PHF21B: variants seen among roughly 807,000 people sequenced by gnomAD.
The protein encoded by PHF21B is PHD finger protein 4.
A neutral mutation model predicts 62.2 loss-of-function variants in PHF21B; 22 were observed. The observed-to-expected ratio is 0.35, with a 90% CI of 0.25 to 0.51. The LOEUF is 0.51. PHF21B is among the 20% of genes least tolerant of loss of function. PHF21B has a pLI of 0.97. For missense variants in PHF21B, 701 were observed against 707.9 expected (o/e 0.99, Z 0.11); for synonymous variants, 341 against 314.7 (o/e 1.08, Z -0.88).
rs2072628936 is a variant in PHF21B at position 44,971,117 on chromosome 22, G to GA, written c.120+37427dup. The GA allele has an allele frequency of 2.0e-5, 3 of 152,290 alleles. No homozygotes were observed. In the South Asian group the frequency reaches 6.2e-4, roughly 32 times the overall value. The allele number at this position is 152,290 out of a possible 1,614,324, so 9.4% of individuals were successfully genotyped here. A position where few individuals can be genotyped will look rare whatever the true frequency, so the allele number is the denominator to read the frequency against. On this transcript the variant is annotated intron_variant, in intron 2 of 12. Coordinates refer to ENST00000313237, the MANE Select transcript of PHF21B (RefSeq NM_138415.5). ...GTGATTAAATCTAAAACCCTGGGAG[G>GA]AAAGGCTCAATAATCTGTGTTTTGG...
chr22:44,908,640 C>T (rs1305065339), intron 5 of PHF21B, among the ~76,000 whole-genome samples: 1 of 152,218 alleles, frequency 6.6e-6, no homozygotes, highest in Admixed American at 6.5e-5. Flanking sequence ...TGTTTCTTCA[C>T]AAAAATCCAC....
intron 5 of PHF21B, chr22:44,902,106 C>T (rs12159449): frequency 0.056 from 11,586 of 206,774 alleles, 1,257 homozygotes; most frequent in African/African-American, 0.24. Flanking sequence ...GTCTGGACCT[C>T]TGGTCCTCAG....
At chr22:44,931,402 G>A (rs1248558103) in intron 2 of PHF21B, among the ~76,000 whole-genome samples, 1 of 152,150 alleles carries the variant, frequency 6.6e-6, no homozygotes, top group Non-Finnish European at 1.5e-5. Flanking sequence ...GCCGGCCGAG[G>A]CAGGCTGCCC....
At chr22:44,951,078 G>A (rs1050101403) in intron 2 of PHF21B, among the ~76,000 whole-genome samples, 6 of 152,094 alleles carry the variant, frequency 3.9e-5, no homozygotes, top group African/African-American at 1.2e-4. Context: ...CCACTATAAA[G>A]CCTGCCACCA....
chr22:44,908,886 C>T (rs2071297959), intron 5 of PHF21B, among the ~76,000 whole-genome samples: 1 of 152,216 alleles, frequency 6.6e-6, no homozygotes, highest in South Asian at 2.1e-4. Context: ...CAACCTCCGC[C>T]TCCCAGGTTC....
At chr22:44,973,173 G>C (rs1321396064) in intron 2 of PHF21B, among the ~76,000 whole-genome samples, 1 of 152,082 alleles carries the variant, frequency 6.6e-6, no homozygotes, top group Non-Finnish European at 1.5e-5. Context: ...ATTCCCTTCA[G>C]GTCCTCAGGC....
rs1453228215 is a variant in PHF21B at position 45,009,710 on chromosome 22, G to C, written c.-161C>G. The C allele has an allele frequency of 9.8e-6, 6 of 613,472 alleles. No homozygotes were observed. The highest frequency in any genetic ancestry group is 1.5e-5 in the Non-Finnish European group (6 of 388,722). 38.0% of individuals were successfully genotyped at this position (613,472 alleles called of 1,614,324 possible). The stretch of plus-strand genomic sequence containing the variant: ...CCACGGCCGAAAGGGAAGGGGGCTG[G>C]CGAAGGGGAAGACAGGCTTCCGGGC... On this transcript the variant is annotated 5_prime_UTR_variant, in exon 1 of 13. Coordinates refer to ENST00000313237, the MANE Select transcript of PHF21B (RefSeq NM_138415.5). This position sits in a 1 kb window ranked among gnomAD's most constrained non-coding sequence, Gnocchi z 5.9.
chr22:44,894,901 CTG>C (rs2071030083), intron 6 of PHF21B, among the ~76,000 whole-genome samples: 1 of 152,224 alleles, frequency 6.6e-6, no homozygotes. Flanking sequence ...CCCGGATGAG[CTG>C]TGTGACCTCA....
chr22:44,894,255 G>A (rs192337874), intron 6 of PHF21B, among the ~76,000 whole-genome samples: 4 of 152,348 alleles, frequency 2.6e-5, no homozygotes, highest in African/African-American at 7.2e-5. Flanking sequence ...CACAGCAGAG[G>A]TTGGGGAGAG....
chr22:44,976,720 C>T (rs1401458584), intron 2 of PHF21B, among the ~76,000 whole-genome samples: 1 of 152,230 alleles, frequency 6.6e-6, no homozygotes, highest in African/African-American at 2.4e-5. Flanking sequence ...GGAAGCCCCA[C>T]ACCTACAGGC....
intron 8 of PHF21B, among the ~76,000 whole-genome samples, chr22:44,890,827 CA>C (rs947791077): frequency 1.3e-5 from 2 of 152,264 alleles, no homozygotes; most frequent in African/African-American, 4.8e-5. Flanking sequence ...TCGGCTCCAA[CA>C]CACACAGCGA....
intron 2 of PHF21B, among the ~76,000 whole-genome samples, chr22:44,988,202 C>T (rs778902872): frequency 2.6e-5 from 4 of 152,362 alleles, no homozygotes; most frequent in Admixed American, 6.5e-5. Flanking sequence ...GGCTCACCCA[C>T]GCCTGTAATC....
At chr22:44,978,681 TTC>T (rs2072782864) in intron 2 of PHF21B, among the ~76,000 whole-genome samples, 3 of 152,330 alleles carry the variant, frequency 2.0e-5, no homozygotes, top group South Asian at 2.1e-4. Flanking sequence ...TCATCAGCAT[TTC>T]TCTGATTCGG....
chr22:44,971,297 A>G (rs1230531086), intron 2 of PHF21B: 2 of 152,242 alleles, frequency 1.3e-5, no homozygotes, highest in African/African-American at 2.4e-5. Flanking sequence ...CTGACAAGGT[A>G]TCTTTGGGTT....
intron 2 of PHF21B, among the ~76,000 whole-genome samples, chr22:44,924,030 AAAG>A (rs1467909819): frequency 7.3e-6 from 1 of 136,610 alleles, no homozygotes; most frequent in East Asian, 2.5e-4. Flanking sequence ...GATGAAGAAG[AAAG>A]AAGAAAGAGG....
At chr22:44,920,569 G>T in intron 2 of PHF21B, 79 bp from the exon 3 acceptor site, 1 of 1,011,566 alleles carries the variant, frequency 9.9e-7, no homozygotes, top group Non-Finnish European at 1.5e-6. Flanking sequence ...TGGCCAAGCA[G>T]GGGGCAGCTG....
intron 5 of PHF21B, among the ~76,000 whole-genome samples, chr22:44,910,570 A>C (rs903919271): frequency 1.3e-5 from 2 of 151,012 alleles, no homozygotes; most frequent in Non-Finnish European, 2.9e-5. Flanking sequence ...ATGGGTGTAA[A>C]AATGGGAGTT....
At chr22:44,899,081 C>T (rs1308369182) in intron 5 of PHF21B, among the ~76,000 whole-genome samples, 1 of 152,144 alleles carries the variant, frequency 6.6e-6, no homozygotes, top group Non-Finnish European at 1.5e-5. Flanking sequence ...AATATCCCTT[C>T]ACTGTTTTTC....
chr22:44,984,501 C>T (rs116715796), intron 2 of PHF21B, among the ~76,000 whole-genome samples: 1 of 152,182 alleles, frequency 6.6e-6, no homozygotes, highest in South Asian at 2.1e-4. Flanking sequence ...AGGCACCAGG[C>T]TTCCGCAGGT....
Sources: gnomAD v4.1 joint callset for allele counts (sites outside exome capture counted in the v4.1 genomes callset) on GRCh38, gnomAD v4.1.1 for gene constraint, Gnocchi (gnomAD v3.1) non-coding constraint, MANE v1.5 for transcripts, NCBI Gene and HGNC (gene_info 2026-07-23, HGNC 2026-07-21) for gene names.